Variants in PPP2R5E observed in about 807,000 individuals in gnomAD.
PPP2R5E encodes serine/threonine-protein phosphatase 2A 56 kDa regulatory subunit epsilon isoform.
PPP2R5E carries 4 observed loss-of-function variants against 65.3 expected under a neutral mutation model. The observed-to-expected ratio is 0.06, with a 90% CI of 0.03 to 0.14. PPP2R5E has a LOEUF of 0.14. Among genes scored for constraint, PPP2R5E ranks in the 10% least tolerant of loss-of-function variants. PPP2R5E has a pLI of 1.00. For synonymous variants in PPP2R5E, 183 were observed against 187.4 expected (o/e 0.98, Z 0.19); for missense variants, 274 against 556.1 (o/e 0.49, Z 5.10).
chr14:63,413,704 A>C (rs1886530990), intron 5 of PPP2R5E, among the ~76,000 whole-genome samples: 1 of 152,128 alleles, frequency 6.6e-6, no homozygotes, highest in Non-Finnish European at 1.5e-5. Context: ...TGTATCACTT[A>C]CATTTTTTTT....
chr14:63,465,661 T>C (rs543311624), intron 2 of PPP2R5E, among the ~76,000 whole-genome samples: 1 of 152,272 alleles, frequency 6.6e-6, no homozygotes, highest in African/African-American at 2.4e-5. Flanking sequence ...ATTAATTTTT[T>C]GTTAAAATTT....
intron 2 of PPP2R5E, among the ~76,000 whole-genome samples, chr14:63,479,054 A>C (rs1055088333): frequency 6.6e-6 from 1 of 152,158 alleles, no homozygotes; most frequent in Non-Finnish European, 1.5e-5. Flanking sequence ...GCTTGAACCC[A>C]GGAGAAGGAG....
intron 3 of PPP2R5E, among the ~76,000 whole-genome samples, chr14:63,450,863 G>GT (rs1482431086): frequency 1.3e-5 from 2 of 152,024 alleles, no homozygotes; most frequent in Non-Finnish European, 2.9e-5. Context: ...AAAGCACTGT[G>GT]TTTTTTCAGG....
intron 2 of PPP2R5E, among the ~76,000 whole-genome samples, chr14:63,475,371 C>T (rs752176773): frequency 3.3e-5 from 5 of 152,200 alleles, no homozygotes; most frequent in Non-Finnish European, 7.3e-5. Context: ...ACATGACATC[C>T]ATTAGAAGGG....
Position 63,527,314 on chromosome 14 carries a change from T to G in PPP2R5E, c.157+12215A>C, listed in dbSNP as rs577366238. On this transcript the variant is annotated intron_variant, in intron 2 of 13. Transcript: ENST00000337537. Reference sequence around the variant, plus strand: ...TCTCAAACTGACATTAACTAAACAGTAATGCTGAGATTGTTCCATAAGAAC... The same window carrying G: ...TCTCAAACTGACATTAACTAAACAGGAATGCTGAGATTGTTCCATAAGAAC... 2.6e-5 allele frequency among the ~76,000 whole-genome samples: 4 copies of G among 152,342 alleles called. No individual in the cohort carries two copies. The South Asian group carries it at 8.3e-4, about 32-fold the overall frequency.
At position 63,374,638 on chromosome 14, in the gene PPP2R5E, T is replaced by TATATATATATATATAA. The variant is rs1883881696; in HGVS notation, c.*1370_*1371insTTATATATATATATAT. 1 of 20,032 alleles carries TATATATATATATATAA rather than the reference T, an allele frequency of 5.0e-5. No homozygotes were observed. The highest frequency in any genetic ancestry group is 1.6e-4 in the African/African-American group (1 of 6,418). The allele number at this position is 20,032 out of a possible 1,614,324, so 1.2% of individuals were successfully genotyped here. A position where few individuals can be genotyped will look rare whatever the true frequency, so the allele number is the denominator to read the frequency against. On this transcript the variant is annotated 3_prime_UTR_variant, in exon 14 of 14. Transcript: ENST00000337537. ...TACAAAGCAGAGAGCCAATAAGATA[T>TATATATATATATATAA]ATATATATATATATATATATATATA...
At chr14:63,528,014 A>G (rs1406940939) in intron 2 of PPP2R5E, among the ~76,000 whole-genome samples, 2 of 152,030 alleles carry the variant, frequency 1.3e-5, no homozygotes, top group Non-Finnish European at 2.9e-5. Context: ...ATTCTTACTG[A>G]GGGAAACTAT....
chr14:63,518,318 T>C (rs1482041300), intron 2 of PPP2R5E, among the ~76,000 whole-genome samples: 2 of 152,212 alleles, frequency 1.3e-5, no homozygotes, highest in Admixed American at 6.5e-5. Flanking sequence ...CATGGTTAAC[T>C]GCAGCCTCAA....
chr14:63,440,783 CAAAA>C (rs763718989), intron 3 of PPP2R5E, among the ~76,000 whole-genome samples: 7 of 108,820 alleles, frequency 6.4e-5, no homozygotes, highest in Admixed American at 9.2e-5. Flanking sequence ...CTAAAAAATA[CAAAA>C]AAAAAAAAAA....
chr14:63,453,118 TTAA>T (rs1474279026), intron 3 of PPP2R5E: 2 of 152,202 alleles, frequency 1.3e-5, no homozygotes, highest in Non-Finnish European at 2.9e-5. Flanking sequence ...TCACATTATG[TTAA>T]TAATGTTTTT....
intron 2 of PPP2R5E, among the ~76,000 whole-genome samples, chr14:63,471,094 C>A (rs1890105031): frequency 6.6e-6 from 1 of 152,174 alleles, no homozygotes; most frequent in Admixed American, 6.5e-5. Context: ...ATTCCAGAAA[C>A]TCTCATATTA....
chr14:63,470,644 A>G (rs1000392754), intron 2 of PPP2R5E, among the ~76,000 whole-genome samples: 6 of 151,916 alleles, frequency 3.9e-5, no homozygotes, highest in Admixed American at 3.9e-4. Flanking sequence ...CCAGCATAAA[A>G]CAAGCAAATT....
At chr14:63,477,931 G>A (rs1264618562) in intron 2 of PPP2R5E, among the ~76,000 whole-genome samples, 2 of 151,890 alleles carry the variant, frequency 1.3e-5, no homozygotes, top group African/African-American at 4.8e-5. Context: ...AAACAATGAA[G>A]TCCAACTGAT....
At chr14:63,391,211 G>A (rs1174569977) in intron 10 of PPP2R5E, among the ~76,000 whole-genome samples, 1 of 152,158 alleles carries the variant, frequency 6.6e-6, no homozygotes. Context: ...CGAGGCTGAA[G>A]AGCACAGTGA....
In PPP2R5E at chr14:63,510,344, G is replaced by A. The variant is rs74331564; in HGVS notation, c.157+29185C>T. The stretch of plus-strand genomic sequence containing the variant: ...TTAGGTGGCATACACCCTGCACCAG[G>A]CACTGTTCTAGGCACTGGGGATAAA... On this transcript the variant is annotated intron_variant, in intron 2 of 13. Coordinates refer to ENST00000337537, the MANE Select transcript of PPP2R5E (RefSeq NM_006246.5). 5.6e-3 allele frequency among the ~76,000 whole-genome samples: 857 copies of A among 152,352 alleles called. 41 individuals are homozygous for A. The East Asian group carries it at 0.11, about 19-fold the overall frequency.
At chr14:63,513,142 G>T (rs1892529075) in intron 2 of PPP2R5E, among the ~76,000 whole-genome samples, 1 of 152,140 alleles carries the variant, frequency 6.6e-6, no homozygotes, top group Non-Finnish European at 1.5e-5. Flanking sequence ...TATAGGCCTA[G>T]TTTATACTTG....
intron 2 of PPP2R5E, among the ~76,000 whole-genome samples, chr14:63,518,506 A>G (rs1197552172): frequency 6.6e-6 from 1 of 152,136 alleles, no homozygotes; most frequent in Non-Finnish European, 1.5e-5. Flanking sequence ...AGCCTCCCAA[A>G]TCACTGTAAT....
Position 63,413,549 on chromosome 14 carries a change from G to A in PPP2R5E, c.549+1591C>T, listed in dbSNP as rs527704535. ...AGTTTATGCATCTATAAAATGGGGC[G>A]GAGGGTGAGGGAGGGCATAAAAATT... On this transcript the variant is annotated intron_variant, in intron 5 of 13. Coordinates refer to ENST00000337537, the MANE Select transcript of PPP2R5E (RefSeq NM_006246.5). 7.9e-5 allele frequency among the ~76,000 whole-genome samples: 12 copies of A among 152,182 alleles called. No homozygotes were observed. The South Asian group carries it at 8.3e-4, about 11-fold the overall frequency.
At chr14:63,464,595 G>A (rs1304902173) in intron 2 of PPP2R5E, among the ~76,000 whole-genome samples, 1 of 152,192 alleles carries the variant, frequency 6.6e-6, no homozygotes, top group Non-Finnish European at 1.5e-5. Flanking sequence ...AGATCATCTT[G>A]GGTCTTGTGA....
Sources: allele counts gnomAD v4.1 joint callset (sites outside exome capture counted in the v4.1 genomes callset), GRCh38; gene constraint gnomAD v4.1.1; transcripts MANE v1.5; gene names NCBI Gene and HGNC (gene_info 2026-07-23, HGNC 2026-07-21).